Variants in ARSG observed in about 807,000 individuals in gnomAD.
ARSG encodes ASG.
In ARSG, 37 loss-of-function variants were observed where a neutral mutation model predicts 50.5. The ratio of observed to expected loss-of-function variants is 0.73; its 90% CI spans 0.56 to 0.96. The LOEUF (loss-of-function observed/expected upper bound fraction) is 0.96, where lower values mean the gene tolerates loss of function less well. Ranked by LOEUF, ARSG falls within the 50% of genes least tolerant of loss-of-function variation. ARSG has a pLI of 0.00. For synonymous variants in ARSG, 225 were observed against 254.6 expected, an observed-to-expected ratio of 0.88 and a Z score of 1.11; for missense variants, 629 against 675.3, an observed-to-expected ratio of 0.93 and a Z score of 0.76.
chr17:68,407,731 G>C (rs572079478), intron 11 of ARSG, among the ~76,000 whole-genome samples: 1 of 151,890 alleles, frequency 6.6e-6, no homozygotes, highest in African/African-American at 2.4e-5. Flanking sequence ...GCTGAATTCT[G>C]TTATCAGTTC....
Position 68,347,172 on chromosome 17 carries a change from G to T in ARSG, c.454G>T (p.Gly152Cys). 6.2e-7 allele frequency: 1 copy of T among 1,613,678 alleles called. No individual in the cohort carries two copies. Residue 152 changes from glycine (G) to cysteine (C), a missense_variant and splice_region_variant, in exon 4 of 12, where the codon GGT becomes TGT. Physicochemically the swap from Gly to Cys is radical, Grantham distance 159. Coordinates refer to ENST00000621439, the MANE Select transcript of ARSG (RefSeq NM_001267727.2). ...CGGCTCTTATCACCCCAACTTCCGT[G>T]GTAAGAATTCTTTTGGGGATTTGTT... Reference protein sequence around the residue: ...HHGSYHPNFRGFDYYFGIPYS... With the variant: ...HHGSYHPNFRCFDYYFGIPYS...
chr17:68,287,307 A>T (rs116201955), upstream of ARSG, among the ~76,000 whole-genome samples: 2,530 of 151,152 alleles, frequency 0.017, 73 homozygotes, highest in African/African-American at 0.058. Context: ...GTGAGCCAGC[A>T]TGCCCAGCCT....
In ARSG at chr17:68,401,041, C is replaced by T. The variant is rs117479413; in HGVS notation, c.1213-319C>T. 1.3e-4 allele frequency: 31 copies of T among 243,872 alleles called. No homozygotes were observed. The East Asian group carries it at 2.3e-3, about 18-fold the overall frequency. 15.1% of individuals were successfully genotyped at this position (243,872 alleles called of 1,614,324 possible). On this transcript the variant is annotated intron_variant, in intron 10 of 11. Coordinates refer to ENST00000621439, the MANE Select transcript of ARSG (RefSeq NM_001267727.2). Reference sequence around the variant, plus strand: ...CATGTTTTATTTTCTTTTGCTGTTTCGAGACAGGATCTTGCTCTATCACCC... The same window carrying T: ...CATGTTTTATTTTCTTTTGCTGTTTTGAGACAGGATCTTGCTCTATCACCC...
chr17:68,259,487 C>G (rs1161565271), intron 1 of ARSG: 1 of 152,216 alleles, frequency 6.6e-6, no homozygotes, highest in Non-Finnish European at 1.5e-5. Flanking sequence ...GAGTTTGAAT[C>G]TCAGTCACTT....
intron 11 of ARSG, among the ~76,000 whole-genome samples, chr17:68,410,827 C>G (rs907582251): frequency 1.8e-4 from 28 of 152,248 alleles, no homozygotes; most frequent in African/African-American, 6.7e-4. Flanking sequence ...TTCAGAGATT[C>G]AGCTTCTTCC....
downstream of ARSG, chr17:68,426,246 G>GGGGT: frequency 1.1e-6 from 1 of 894,424 alleles, no homozygotes; most frequent in Non-Finnish European, 1.7e-6. Context: ...GGCGGGTGGG[G>GGGGT]AGCGGGGGCT....
In ARSG at chr17:68,387,038, A is replaced by C. The variant is rs139745926; in HGVS notation, c.1091+1866A>C. On this transcript the variant is annotated intron_variant, in intron 9 of 11. Transcript: ENST00000621439. ...GTTTTTGCCATTACTTTTAGTAGCA[A>C]AAACTGCAATGACTTTCGCACCAAC... Among the ~76,000 whole-genome samples, 591 of 151,888 alleles carry C rather than the reference A, an allele frequency of 3.9e-3. 4 individuals are homozygous for C. Among genetic ancestry groups the C allele is most frequent in the African/African-American group, 0.013 (548 of 41,446 alleles).
chr17:68,311,403 G>C (rs782785738), intron 2 of ARSG, among the ~76,000 whole-genome samples: 2 of 152,234 alleles, frequency 1.3e-5, no homozygotes, highest in South Asian at 2.1e-4. Flanking sequence ...TGTGGTGGCT[G>C]TTCAATCATC....
intron 1 of ARSG, among the ~76,000 whole-genome samples, chr17:68,302,148 G>A (rs2076443395): frequency 6.6e-6 from 1 of 152,046 alleles, no homozygotes; most frequent in South Asian, 2.1e-4. Context: ...AATGCGTTGG[G>A]GAGTTGCTTC....
intron 2 of ARSG, among the ~76,000 whole-genome samples, chr17:68,323,264 A>G (rs2145880728): frequency 6.6e-6 from 1 of 152,310 alleles, no homozygotes; most frequent in East Asian, 1.9e-4. Flanking sequence ...AATGAAGTTC[A>G]GATAGTTTGA....
intron 8 of ARSG, among the ~76,000 whole-genome samples, chr17:68,373,784 T>C (rs1052343840): frequency 6.6e-6 from 1 of 152,108 alleles, no homozygotes; most frequent in Non-Finnish European, 1.5e-5. Flanking sequence ...TCAAAAATGC[T>C]GTGATTTAGT....
chr17:68,371,374 A>G (rs2079839423), intron 8 of ARSG, among the ~76,000 whole-genome samples: 1 of 150,894 alleles, frequency 6.6e-6, no homozygotes, highest in South Asian at 2.1e-4. Context: ...TAATTTGCCC[A>G]TGTCACACAG....
At chr17:68,395,639 G>A (rs1033654090) in intron 10 of ARSG, among the ~76,000 whole-genome samples, 4 of 152,214 alleles carry the variant, frequency 2.6e-5, no homozygotes, top group African/African-American at 9.6e-5. Flanking sequence ...CTTAGGGTGG[G>A]TGTATATAGG....
At chr17:68,282,947 CAAAA>C (rs113598461) in intron 1 of ARSG, 3 of 90,758 alleles carry the variant, frequency 3.3e-5, no homozygotes, top group Non-Finnish European at 2.3e-5. Context: ...GACTCTGTCT[CAAAA>C]AAAAAAAAAA....
intron 2 of ARSG, among the ~76,000 whole-genome samples, chr17:68,318,054 G>A (rs995154147): frequency 6.6e-6 from 1 of 151,568 alleles, no homozygotes; most frequent in Non-Finnish European, 1.5e-5. Flanking sequence ...AGCTGAGATT[G>A]TGCCTTTGCA....
chr17:68,388,370 C>G (rs74721637), intron 9 of ARSG, among the ~76,000 whole-genome samples: 9,931 of 152,084 alleles, frequency 0.065, 709 homozygotes, highest in African/African-American at 0.17. Flanking sequence ...CAATCGTGTC[C>G]CCACCCCACC....
chr17:68,376,009 G>C (rs148113860), intron 8 of ARSG, among the ~76,000 whole-genome samples: 2 of 152,130 alleles, frequency 1.3e-5, no homozygotes, highest in African/African-American at 4.8e-5. Flanking sequence ...GTTCAGTTAA[G>C]TAGCACTTAG....
intron 6 of ARSG, among the ~76,000 whole-genome samples, chr17:68,359,251 T>G (rs1215255908): frequency 6.6e-6 from 1 of 152,136 alleles, no homozygotes; most frequent in African/African-American, 2.4e-5. Flanking sequence ...AGTCTATCTC[T>G]AATAAATCAT....
intron 2 of ARSG, among the ~76,000 whole-genome samples, chr17:68,325,445 T>C (rs1337174773): frequency 6.6e-6 from 1 of 152,164 alleles, no homozygotes; most frequent in Admixed American, 6.5e-5. Context: ...AGAAATAAAG[T>C]GCACAATAAA....
Sources: allele counts gnomAD v4.1 joint callset (sites outside exome capture counted in the v4.1 genomes callset), GRCh38; gene constraint gnomAD v4.1.1; transcripts MANE v1.5; gene names NCBI Gene and HGNC (gene_info 2026-07-23, HGNC 2026-07-21).